Variants in UHRF1 observed in about 807,000 individuals in gnomAD.
UHRF1 encodes the protein E3 ubiquitin-protein ligase UHRF1.
A neutral mutation model predicts 96.5 loss-of-function variants in UHRF1; 9 were observed. The observed-to-expected ratio is 0.09, with a 90% CI of 0.06 to 0.16. The LOEUF is 0.16. Among genes scored for constraint, UHRF1 ranks in the 10% least tolerant of loss-of-function variants. UHRF1 has a pLI of 1.00. For synonymous variants in UHRF1, 455 were observed against 469.9 expected (o/e 0.97, Z 0.41); for missense variants, 626 against 1,131.1 (o/e 0.55, Z 6.40).
chr19:4,956,139 C>T (rs2033850736), intron 15 of UHRF1, among the ~76,000 whole-genome samples: 2 of 152,160 alleles, frequency 1.3e-5, no homozygotes, highest in Admixed American at 1.3e-4. Flanking sequence ...CCGTGTTGGT[C>T]AGGCTGGTCT....
At position 4,929,317 on chromosome 19, in the gene UHRF1, C is replaced by G. The variant is rs373501649; in HGVS notation, c.249C>G (p.Thr83=). The change falls in exon 3 of 17, where the codon ACC becomes ACG. Residue 83 remains threonine, a synonymous_variant. Transcript: ENST00000650932. ...AGAGCCTCGTGCTCCCCCACAGCAC[C>G]AAGGAGCGGGACTCCGAGCTCTCCG... ...VRQSLVLPHS[T]KERDSELSDT... The G allele has an allele frequency of 4.5e-5, 72 of 1,613,688 alleles. 1 individual carries two copies. Among genetic ancestry groups the G allele is most frequent in the Middle Eastern group, 3.3e-4 (2 of 6,084 alleles).
chr19:4,909,803 C>G (rs2032179311), intron 1 of UHRF1, 148 bp downstream of exon 1: 1 of 439,560 alleles, frequency 2.3e-6, no homozygotes, highest in Non-Finnish European at 4.0e-6. Context: ...CCACCTAACC[C>G]TCGGGAATCG....
chr19:4,955,142 T>C (rs2033824300), intron 15 of UHRF1, among the ~76,000 whole-genome samples: 1 of 151,780 alleles, frequency 6.6e-6, no homozygotes, highest in Non-Finnish European at 1.5e-5. Context: ...TGTCTCTGTC[T>C]CCCGGGGCTG....
chr19:4,913,807 C>CTTT (rs11341952), intron 2 of UHRF1, among the ~76,000 whole-genome samples: 31 of 110,128 alleles, frequency 2.8e-4, no homozygotes, highest in South Asian at 5.5e-4. Context: ...CATGCAGTAG[C>CTTT]TTTTTTTTTT....
chr19:4,958,817 A>G (rs191144945), intron 16 of UHRF1, among the ~76,000 whole-genome samples: 3 of 152,136 alleles, frequency 2.0e-5, no homozygotes, highest in African/African-American at 7.2e-5. Context: ...ACTAAAAATT[A>G]AAACAAAATT....
intron 2 of UHRF1, among the ~76,000 whole-genome samples, chr19:4,917,261 G>A (rs1340477728): frequency 6.6e-6 from 1 of 151,814 alleles, no homozygotes; most frequent in African/African-American, 2.4e-5. Flanking sequence ...TCGGCCCTTT[G>A]TCTAAGTTTT....
intron 9 of UHRF1, among the ~76,000 whole-genome samples, chr19:4,945,009 T>C (rs972395138): frequency 2.0e-5 from 3 of 152,164 alleles, no homozygotes; most frequent in African/African-American, 7.2e-5. Context: ...GGAGGCAGGA[T>C]TGCCCCTGGG....
In UHRF1 at chr19:4,918,423, G is replaced by GTT. The variant is rs567574185; in HGVS notation, c.153+7397_153+7398dup. ...AAGTATGAGTCACTGTGCCTGGCCT[G>GTT]TTTTTTTTTTTTTGAGACAGAGTCT... On this transcript the variant is annotated intron_variant, in intron 2 of 16. Coordinates refer to ENST00000650932, the MANE Select transcript of UHRF1 (RefSeq NM_001048201.3). Among the ~76,000 whole-genome samples the GTT allele has an allele frequency of 2.9e-4, 41 of 140,586 alleles. 1 individual carries two copies. The highest frequency in any genetic ancestry group is 4.2e-4 in the Non-Finnish European group (27 of 64,472). 92.2% of individuals were successfully genotyped at this position (140,586 alleles called of 152,430 possible).
rs756585684 is a variant in UHRF1 at position 4,954,686 on chromosome 19, C to T, written c.1994C>T (p.Thr665Ile). Residue 665 changes from threonine to isoleucine, a missense_variant, in exon 15 of 17, where the codon ACA (threonine) becomes ATA (isoleucine). Thr to Ile is a moderately conservative substitution (Grantham distance 89). Transcript: ENST00000650932. The surrounding 1 kb of genome is among the most constrained non-coding windows in gnomAD (Gnocchi z 5.9). ...AGCAGGGCCGGGTCCCCGCGCCGGA[C>T]ATCCAAGAAAACCAAGGTGGAGCCC... The part of the protein sequence containing the change: ...GPSRAGSPRR[T>I]SKKTKVEPYS... 114 of 1,613,364 alleles carry T rather than the reference C, an allele frequency of 7.1e-5. No individual in the cohort carries two copies. The highest frequency in any genetic ancestry group is 9.3e-5 in the Non-Finnish European group (110 of 1,179,716).
At chr19:4,937,248 A>G (rs937777398) in intron 5 of UHRF1, among the ~76,000 whole-genome samples, 28 of 146,612 alleles carry the variant, frequency 1.9e-4, no homozygotes, top group African/African-American at 6.9e-4. Context: ...TCAGTAGCTC[A>G]TTCCTTTTCA....
chr19:4,944,879 C>A (rs1236034323), intron 9 of UHRF1, among the ~76,000 whole-genome samples: 6 of 152,194 alleles, frequency 3.9e-5, no homozygotes, highest in Admixed American at 6.5e-5. Context: ...CCAGATGGTT[C>A]TCTGGGGCGG....
chr19:4,927,856 C>A (rs1034680766), intron 2 of UHRF1, among the ~76,000 whole-genome samples: 10 of 152,358 alleles, frequency 6.6e-5, no homozygotes, highest in African/African-American at 2.4e-4. Context: ...GTATTAATTA[C>A]ATGGAAACCA....
Position 4,944,273 on chromosome 19 carries a change from C to T in UHRF1, c.1197+18C>T, listed in dbSNP as rs531154157. Reference sequence around the variant, plus strand: ...GGGGCAAGGTGAGGCGGGTCCTTCCCACGTGCCCGTGGCCCCTCCCCGCCT... The same window carrying T: ...GGGGCAAGGTGAGGCGGGTCCTTCCTACGTGCCCGTGGCCCCTCCCCGCCT... On this transcript the variant is annotated intron_variant, in intron 8 of 16. Coordinates refer to ENST00000650932, the MANE Select transcript of UHRF1 (RefSeq NM_001048201.3). 2 of 1,613,964 alleles carry T rather than the reference C, an allele frequency of 1.2e-6. No homozygotes were observed. The highest frequency in any genetic ancestry group is 1.7e-5 in the Admixed American group (1 of 60,022).
intron 2 of UHRF1, among the ~76,000 whole-genome samples, chr19:4,919,673 T>A (rs2032638876): frequency 6.6e-6 from 1 of 152,110 alleles, no homozygotes; most frequent in Non-Finnish European, 1.5e-5. Context: ...AAGTCACTCC[T>A]TTTACCAGGC....
Position 4,941,636 on chromosome 19 carries a change from C to G in UHRF1, c.886+8C>G, listed in dbSNP as rs779973509. 3.1e-6 allele frequency: 5 copies of G among 1,611,336 alleles called. No individual in the cohort carries two copies. In the East Asian group the frequency reaches 8.9e-5, roughly 29 times the overall value. Reference sequence around the variant, plus strand: ...TTGACAACCCCATGAGACGTGAGTTCTGAGCCAGCCTTTCCCCATCTTCCG... The same window carrying G: ...TTGACAACCCCATGAGACGTGAGTTGTGAGCCAGCCTTTCCCCATCTTCCG... On this transcript the variant is annotated splice_region_variant and intron_variant, in intron 6 of 16. Transcript: ENST00000650932.
chr19:4,947,062 TTGCC>T, intron 10 of UHRF1, 39 bp from the exon 11 acceptor site: 1 of 1,464,968 alleles, frequency 6.8e-7, no homozygotes, highest in Non-Finnish European at 9.3e-7. Context: ...TTTTTTTTTT[TTGCC>T]TCTGCAGAGG....
intron 16 of UHRF1, among the ~76,000 whole-genome samples, chr19:4,959,830 C>T (rs2033944915): frequency 6.6e-6 from 1 of 151,884 alleles, no homozygotes; most frequent in South Asian, 2.1e-4. Context: ...ACTTCAGCCT[C>T]CGGAGTAGCC....
Position 4,930,995 on chromosome 19 carries a change from C to G in UHRF1, c.569+119C>G. 1 of 1,410,022 alleles carries G rather than the reference C, an allele frequency of 7.1e-7. No individual in the cohort carries two copies. Among genetic ancestry groups the G allele is most frequent in the South Asian group, 1.3e-5 (1 of 77,012 alleles). The allele number at this position is 1,410,022 out of a possible 1,614,324, so 87.3% of individuals were successfully genotyped here. A position where few individuals can be genotyped will look rare whatever the true frequency, so the allele number is the denominator to read the frequency against. On this transcript the variant is annotated intron_variant, in intron 4 of 16. Coordinates refer to ENST00000650932, the MANE Select transcript of UHRF1 (RefSeq NM_001048201.3). This position sits in a 1 kb window ranked among gnomAD's most constrained non-coding sequence, Gnocchi z 4.4. ...GAGATGGTGATCAGGATCTGGGGCC[C>G]CATCCTCGAATTCCTAACAGCATAC...
In UHRF1 at chr19:4,960,104, C is replaced by T. The variant is rs553287367; in HGVS notation, c.2236-553C>T. Among the ~76,000 whole-genome samples the T allele has an allele frequency of 1.4e-4, 21 of 152,250 alleles. No individual in the cohort carries two copies. In the South Asian group the frequency reaches 3.3e-3, roughly 24 times the overall value. On this transcript the variant is annotated intron_variant, in intron 16 of 16. Coordinates refer to ENST00000650932, the MANE Select transcript of UHRF1 (RefSeq NM_001048201.3). ...CTGACCTCAAGTGATCTGCCCCCCT[C>T]GGCCTCCCAGAGTGCTGGGATTACA...
Sources: gnomAD v4.1 joint callset for allele counts (sites outside exome capture counted in the v4.1 genomes callset) on GRCh38, gnomAD v4.1.1 for gene constraint, Gnocchi (gnomAD v3.1) non-coding constraint, MANE v1.5 for transcripts, NCBI Gene and HGNC (gene_info 2026-07-23, HGNC 2026-07-21) for gene names.